Variants in IL1RAPL1 observed in about 807,000 individuals in gnomAD.
IL1RAPL1 encodes the protein interleukin 1 receptor accessory protein like 1.
IL1RAPL1 carries 3 observed loss-of-function variants against 48.4 expected under a neutral mutation model. The observed-to-expected ratio is 0.06, with a 90% CI of 0.03 to 0.16. The LOEUF is 0.16. Among genes scored for constraint, IL1RAPL1 ranks in the 10% least tolerant of loss-of-function variants. The pLI, the probability that IL1RAPL1 is intolerant of heterozygous loss-of-function variation, is 1.00. For missense variants in IL1RAPL1, 349 were observed against 530.6 expected, an observed-to-expected ratio of 0.66 and a Z score of 3.36; for synonymous variants, 185 against 187.7, an observed-to-expected ratio of 0.99 and a Z score of 0.12.
At chrX:29,224,620 TA>T (rs1390941989) in intron 2 of IL1RAPL1, among the ~76,000 whole-genome samples, 1 of 112,088 alleles carries the variant, frequency 8.9e-6, no homozygotes, top group Admixed American at 9.5e-5. Flanking sequence ...GCCTATCATA[TA>T]AAAAATACAT....
At chrX:29,056,637 T>C (rs1235288683) in intron 2 of IL1RAPL1, among the ~76,000 whole-genome samples, 1 of 111,855 alleles carries the variant, frequency 8.9e-6, no homozygotes, top group Admixed American at 9.6e-5. Flanking sequence ...CTTTATCTTA[T>C]TTTATTTTAT....
At chrX:29,086,961 G>A (rs901694502) in intron 2 of IL1RAPL1, among the ~76,000 whole-genome samples, 1 of 110,739 alleles carries the variant, frequency 9.0e-6, no homozygotes, top group African/African-American at 3.3e-5. Flanking sequence ...AACCTAAAAA[G>A]TATAATGGAT....
intron 2 of IL1RAPL1, among the ~76,000 whole-genome samples, chrX:28,862,518 G>A (rs1921972352): frequency 9.0e-6 from 1 of 111,502 alleles, no homozygotes; most frequent in Non-Finnish European, 1.9e-5. Context: ...ATGAATCTGT[G>A]CCAAAACGTT....
At chrX:28,832,125 T>C (rs1256521664) in intron 2 of IL1RAPL1, among the ~76,000 whole-genome samples, 1 of 111,269 alleles carries the variant, frequency 9.0e-6, no homozygotes. Flanking sequence ...ATCTTTCTTC[T>C]AGCCATTTGA....
chrX:29,296,333 G>A (rs1002871913), intron 3 of IL1RAPL1, among the ~76,000 whole-genome samples: 6 of 111,502 alleles, frequency 5.4e-5, no homozygotes, highest in Middle Eastern at 4.2e-3. Context: ...TGGGTGGGAT[G>A]TCAAAAGCAT....
chrX:28,725,260 T>G (rs1471369213), intron 1 of IL1RAPL1, among the ~76,000 whole-genome samples: 1 of 111,173 alleles, frequency 9.0e-6, no homozygotes, highest in Non-Finnish European at 1.9e-5. Context: ...CTTGGTGTGT[T>G]TTTTAAAACA....
intron 2 of IL1RAPL1, among the ~76,000 whole-genome samples, chrX:29,006,398 C>T (rs1925978122): frequency 9.1e-6 from 1 of 109,358 alleles, no homozygotes; most frequent in Non-Finnish European, 1.9e-5. Flanking sequence ...CCTGTAATCC[C>T]AGCTACTTGG....
intron 5 of IL1RAPL1, among the ~76,000 whole-genome samples, chrX:29,405,481 C>T (rs1934050611): frequency 1.0e-5 from 1 of 98,941 alleles, no homozygotes; most frequent in Non-Finnish European, 1.9e-5. Context: ...ATTCTCCTGC[C>T]TCAGCCTCCC....
intron 3 of IL1RAPL1, among the ~76,000 whole-genome samples, chrX:29,306,875 A>G (rs865785548): frequency 9.3e-6 from 1 of 107,939 alleles, no homozygotes; most frequent in Non-Finnish European, 1.9e-5. Context: ...AAAAAAAAAA[A>G]AAAAAAAGAA....
intron 3 of IL1RAPL1, among the ~76,000 whole-genome samples, chrX:29,322,824 T>A (rs1358903144): frequency 9.0e-6 from 1 of 111,055 alleles, no homozygotes; most frequent in Non-Finnish European, 1.9e-5. Flanking sequence ...AAAATAAAAG[T>A]TACTCCTCAG....
At chrX:29,049,158 A>G (rs1034176317) in intron 2 of IL1RAPL1, among the ~76,000 whole-genome samples, 2 of 112,338 alleles carry the variant, frequency 1.8e-5, no homozygotes, top group Non-Finnish European at 3.8e-5. Context: ...TCCAGAAGGT[A>G]ACATGCATCC....
rs35814453 is a variant in IL1RAPL1, at chrX:28,645,347, C to CAAA, written c.-25+57324_-25+57326dup. Among the ~76,000 whole-genome samples the CAAA allele has an allele frequency of 2.5e-3, 72 of 29,022 alleles. 3 individuals are homozygous for CAAA. The highest frequency in any genetic ancestry group is 3.9e-3 in the South Asian group (1 of 259). 25.2% of individuals were successfully genotyped at this position (29,022 alleles called of 115,157 possible). The stretch of plus-strand genomic sequence containing the variant: ...GGGCAACAAGAGTGAAATTCCGCCT[C>CAAA]AAAAAAAAAAAAAAAAAAAAAAAAA... On this transcript the variant is annotated intron_variant, in intron 1 of 10. Transcript: ENST00000378993.
At chrX:28,925,310 A>G (rs1005064892) in intron 2 of IL1RAPL1, among the ~76,000 whole-genome samples, 3 of 111,897 alleles carry the variant, frequency 2.7e-5, no homozygotes, top group Non-Finnish European at 5.6e-5. Flanking sequence ...AAAATTAAGT[A>G]TGTATTTTAG....
chrX:29,801,016 A>AC (rs756589707), intron 6 of IL1RAPL1, among the ~76,000 whole-genome samples: 9,904 of 35,604 alleles, frequency 0.28, 2,724 homozygotes, highest in Non-Finnish European at 0.3. Flanking sequence ...AAAAAAAAAA[A>AC]AAAAAAAAAA....
intron 3 of IL1RAPL1, among the ~76,000 whole-genome samples, chrX:29,288,935 T>A (rs1405678332): frequency 8.9e-6 from 1 of 112,632 alleles, no homozygotes; most frequent in Non-Finnish European, 1.9e-5. Flanking sequence ...TTTTTTCATA[T>A]GTTTGTTGGC....
At chrX:29,629,788 A>G (rs1268772448) in intron 5 of IL1RAPL1, among the ~76,000 whole-genome samples, 1 of 111,935 alleles carries the variant, frequency 8.9e-6, no homozygotes, top group Non-Finnish European at 1.9e-5. Context: ...CAAAGAACGA[A>G]AAGATCAAAT....
At chrX:29,884,356 A>G (rs748337462) in intron 6 of IL1RAPL1, among the ~76,000 whole-genome samples, 1 of 110,908 alleles carries the variant, frequency 9.0e-6, no homozygotes, top group Non-Finnish European at 1.9e-5. Context: ...ACTTGCCCCG[A>G]GAGCTGCACT....
intron 2 of IL1RAPL1, among the ~76,000 whole-genome samples, chrX:28,819,965 G>C: frequency 2.6e-5 from 1 of 39,121 alleles, no homozygotes; most frequent in African/African-American, 9.0e-5. Flanking sequence ...CATAAACATA[G>C]TGATATATAT....
intron 8 of IL1RAPL1, among the ~76,000 whole-genome samples, chrX:29,931,317 C>A (rs1212465204): frequency 3.6e-5 from 4 of 111,528 alleles, no homozygotes; most frequent in Admixed American, 2.9e-4. Flanking sequence ...ATATATTTTT[C>A]TGTTATTCCC....
Sources: allele counts gnomAD v4.1 joint callset (sites outside exome capture counted in the v4.1 genomes callset), GRCh38; gene constraint gnomAD v4.1.1; transcripts MANE v1.5; gene names NCBI Gene and HGNC (gene_info 2026-07-23, HGNC 2026-07-21).